Variants in CEP192 observed in about 807,000 individuals in gnomAD.
CEP192 encodes the protein centrosomal protein of 192 kDa.
In CEP192, 151 loss-of-function variants were observed where a neutral mutation model predicts 271.8. That is an observed-to-expected ratio of 0.56 (90% CI 0.49 to 0.64). The LOEUF is 0.64. Ranked by LOEUF, CEP192 falls within the 30% of genes least tolerant of loss-of-function variation. The pLI, the probability that CEP192 is intolerant of heterozygous loss-of-function variation, is 0.00. For missense variants in CEP192, 2,910 were observed against 3,020.5 expected (o/e 0.96, Z 0.86); for synonymous variants, 995 against 1,076.5 (o/e 0.92, Z 1.48).
rs372137586 is a variant in CEP192 at position 13,105,044 on chromosome 18, A to G, written c.7012A>G (p.Ile2338Val). 13 of 1,613,980 alleles carry G rather than the reference A, an allele frequency of 8.1e-6. No individual in the cohort carries two copies. The highest frequency in any genetic ancestry group is 4.5e-5 in the East Asian group (2 of 44,886). ...ATYAAFRCSP[I>V]SGLLESHGIQ... ...CTATGCAGCATTCAGATGTTCTCCT[A>G]TTTCTGGTCTGCTGGAAAGCCATGG... The change falls in exon 40 of 45, where the codon ATT (isoleucine) becomes GTT (valine). Residue 2338 changes from isoleucine to valine, a missense_variant. Physicochemically the swap from Ile to Val is conservative, Grantham distance 29 (BLOSUM62 3). Coordinates refer to ENST00000506447, the MANE Select transcript of CEP192 (RefSeq NM_032142.4).
At chr18:13,084,217 C>T (rs966510116) in intron 30 of CEP192, among the ~76,000 whole-genome samples, 1 of 152,168 alleles carries the variant, frequency 6.6e-6, no homozygotes, top group African/African-American at 2.4e-5. Flanking sequence ...CAGCTATGCC[C>T]TGCCCCTAGA....
At chr18:13,026,146 G>GTTTC (rs1437254651) in intron 9 of CEP192, among the ~76,000 whole-genome samples, 29 of 152,262 alleles carry the variant, frequency 1.9e-4, no homozygotes, top group African/African-American at 6.7e-4. Context: ...GAAATTGATG[G>GTTTC]TTTCTTTCTT....
intron 36 of CEP192, among the ~76,000 whole-genome samples, chr18:13,097,643 A>T (rs1272851041): frequency 2.2e-5 from 3 of 138,366 alleles, no homozygotes; most frequent in African/African-American, 8.1e-5. Flanking sequence ...TTTTTTTTTA[A>T]CTATTATTTT....
intron 21 of CEP192, among the ~76,000 whole-genome samples, chr18:13,066,322 T>A (rs1408393927): frequency 1.3e-5 from 2 of 152,248 alleles, no homozygotes; most frequent in African/African-American, 4.8e-5. Context: ...TATCTACATT[T>A]AAAGTGAATT....
At chr18:13,101,518 A>T (rs557445758) in intron 38 of CEP192, among the ~76,000 whole-genome samples, 18 of 152,126 alleles carry the variant, frequency 1.2e-4, no homozygotes, top group Middle Eastern at 3.4e-3. Context: ...GCGATCATTT[A>T]TTTTTGTCCC....
chr18:13,019,257 C>T, intron 9 of CEP192, 51 bp downstream of exon 9: 1 of 1,398,120 alleles, frequency 7.2e-7, no homozygotes, highest in Non-Finnish European at 9.4e-7. Flanking sequence ...AATAAGGGGT[C>T]TTTTGTGTTT....
chr18:13,017,474 A>G (rs2034720854), intron 7 of CEP192, 138 bp downstream of exon 7: 3 of 558,002 alleles, frequency 5.4e-6, no homozygotes, highest in Non-Finnish European at 8.7e-6. Context: ...GTATGAATTG[A>G]TAAGAAATGC....
At chr18:13,051,821 G>A (rs1056015909) in intron 17 of CEP192, among the ~76,000 whole-genome samples, 21 of 152,326 alleles carry the variant, frequency 1.4e-4, no homozygotes, top group African/African-American at 4.8e-4. Flanking sequence ...GGGATTACAG[G>A]CGTGAGCCAA....
At chr18:13,054,814 A>G (rs557757380) in intron 18 of CEP192, among the ~76,000 whole-genome samples, 9 of 152,346 alleles carry the variant, frequency 5.9e-5, no homozygotes, top group East Asian at 5.8e-4. Flanking sequence ...GGTTACGTCT[A>G]TCTAGTCTGT....
chr18:13,015,814 C>T (rs113089273), intron 6 of CEP192, among the ~76,000 whole-genome samples: 5,863 of 148,706 alleles, frequency 0.039, 126 homozygotes, highest in Non-Finnish European at 0.044. Context: ...GGTGTGATCT[C>T]GGCTCACCAC....
At chr18:13,034,001 A>T (rs981797225) in intron 11 of CEP192, among the ~76,000 whole-genome samples, 1 of 152,332 alleles carries the variant, frequency 6.6e-6, no homozygotes, top group African/African-American at 2.4e-5. Flanking sequence ...GGTGTGGGAA[A>T]CTAGGGTCAG....
intron 12 of CEP192, 107 bp from the exon 13 acceptor site, chr18:13,038,258 TCAAAA>T: frequency 1.1e-6 from 1 of 877,490 alleles, no homozygotes. Flanking sequence ...GTCTAGTTTT[TCAAAA>T]TTACTTTTTA....
At position 13,060,712 on chromosome 18, in the gene CEP192, C is replaced by T. The variant is rs145229775; in HGVS notation, c.4488+1400C>T. Among the ~76,000 whole-genome samples the T allele has an allele frequency of 4.8e-3, 737 of 152,118 alleles. 5 individuals carry two copies. Among genetic ancestry groups the T allele is most frequent in the Non-Finnish European group, 7.5e-3 (511 of 67,986 alleles). On this transcript the variant is annotated intron_variant, in intron 21 of 44. Transcript: ENST00000506447. The stretch of plus-strand genomic sequence containing the variant: ...TCAAGGTGGGTGGATTGCTTGAGCC[C>T]AGGAGTTCGAGACCAGCCTGGACAA...
rs1054042576 is a variant in CEP192, at chr18:13,106,524, C to T, written c.7047+1445C>T. The stretch of plus-strand genomic sequence containing the variant: ...CACCATTTCCTACCACCACCACCAC[C>T]ACCACCACCACCTCCCCCATCTCCC... On this transcript the variant is annotated intron_variant, in intron 40 of 44. Transcript: ENST00000506447. 2.7e-5 allele frequency among the ~76,000 whole-genome samples: 4 copies of T among 150,066 alleles called. No homozygotes were observed. The East Asian group carries it at 8.0e-4, about 30-fold the overall frequency.
At position 13,103,368 on chromosome 18, in the gene CEP192, C is replaced by T. The variant is rs1410422988; in HGVS notation, c.6872-141C>T. The T allele has an allele frequency of 6.2e-6, 4 of 640,480 alleles. 1 individual carries two copies. In the South Asian group the frequency reaches 7.3e-5, roughly 12 times the overall value. 39.7% of individuals were successfully genotyped at this position (640,480 alleles called of 1,614,324 possible). A position where few individuals can be genotyped will look rare whatever the true frequency, so the allele number is the denominator to read the frequency against. ...ACATACCTGATTTTTAAAGAAAATA[C>T]TGTGGTTCTTGTTGAACTCCTTTAG... On this transcript the variant is annotated intron_variant, in intron 38 of 44. Transcript: ENST00000506447.
intron 17 of CEP192, among the ~76,000 whole-genome samples, chr18:13,051,541 T>C (rs547678759): frequency 6.6e-6 from 1 of 152,254 alleles, no homozygotes; most frequent in Admixed American, 6.5e-5. Context: ...TTTGGGACTT[T>C]TTATTTATTT....
At chr18:13,023,970 G>A (rs1057290950) in intron 9 of CEP192, among the ~76,000 whole-genome samples, 1 of 152,094 alleles carries the variant, frequency 6.6e-6, no homozygotes. Context: ...GTATTCTGCA[G>A]TTTTTGGGTG....
chr18:13,111,105 G>A (rs933582743), intron 40 of CEP192, among the ~76,000 whole-genome samples: 3 of 152,214 alleles, frequency 2.0e-5, no homozygotes, highest in East Asian at 1.9e-4. Flanking sequence ...ATCCAATTGA[G>A]TTGACACCTA....
chr18:13,015,541 G>T (rs1318718831), intron 6 of CEP192, 93 bp downstream of exon 6: 1 of 1,324,020 alleles, frequency 7.6e-7, no homozygotes, highest in African/African-American at 1.5e-5. Context: ...AACTTTTTGG[G>T]TTTTTTGTCC....
Sources: gnomAD v4.1 joint callset for allele counts (sites outside exome capture counted in the v4.1 genomes callset) on GRCh38, gnomAD v4.1.1 for gene constraint, MANE v1.5 for transcripts, NCBI Gene and HGNC (gene_info 2026-07-23, HGNC 2026-07-21) for gene names.